Variants in AHI1 observed in about 807,000 individuals in gnomAD.
The protein encoded by AHI1 is jouberin.
AHI1 carries 123 observed loss-of-function variants against 149.3 expected under a neutral mutation model. The observed-to-expected ratio is 0.82, with a 90% CI of 0.71 to 0.96. The LOEUF (loss-of-function observed/expected upper bound fraction) is 0.96. Ranked by LOEUF, AHI1 falls within the 40% of genes least tolerant of loss-of-function variation. AHI1 has a pLI of 0.00. For missense variants in AHI1, 1,439 were observed against 1,422.7 expected (o/e 1.01, Z -0.18); for synonymous variants, 475 against 459.8 (o/e 1.03, Z -0.42).
At chr6:135,373,476 G>C (rs114931172) in intron 23 of AHI1, among the ~76,000 whole-genome samples, 1 of 152,140 alleles carries the variant, frequency 6.6e-6, no homozygotes, top group East Asian at 1.9e-4. Flanking sequence ...TAAGCAATGC[G>C]TGACTATACT....
chr6:135,417,332 G>A (rs567287286), intron 20 of AHI1, among the ~76,000 whole-genome samples: 6 of 151,988 alleles, frequency 3.9e-5, no homozygotes, highest in Admixed American at 1.3e-4. Flanking sequence ...ATGAGTGAGC[G>A]AACATGCATA....
intron 5 of AHI1, among the ~76,000 whole-genome samples, chr6:135,472,838 T>C (rs1460178186): frequency 6.6e-6 from 1 of 152,210 alleles, no homozygotes; most frequent in Non-Finnish European, 1.5e-5. Flanking sequence ...TTAGGCTGTT[T>C]GTTTTCATAT....
chr6:135,290,604 G>C, intron 27 of AHI1, 79 bp from the exon 28 acceptor site: 1 of 1,478,484 alleles, frequency 6.8e-7, no homozygotes, highest in East Asian at 2.3e-5. Flanking sequence ...TTTGATCTAG[G>C]GCCGTGGCAG....
At chr6:135,300,748 C>T (rs996812838) in intron 26 of AHI1, 190 bp from the exon 27 acceptor site, 1 of 1,198,092 alleles carries the variant, frequency 8.3e-7, no homozygotes, top group Non-Finnish European at 1.0e-6. Flanking sequence ...CATGAAAAAC[C>T]AAGGAAGTAG....
chr6:135,380,511 G>A (rs1312344582), intron 23 of AHI1, among the ~76,000 whole-genome samples: 4 of 152,154 alleles, frequency 2.6e-5, no homozygotes, highest in Non-Finnish European at 5.9e-5. Flanking sequence ...CAGATACTGA[G>A]GGATAACCAG....
intron 5 of AHI1, among the ~76,000 whole-genome samples, chr6:135,482,154 C>A (rs892060978): frequency 6.6e-6 from 1 of 151,962 alleles, no homozygotes; most frequent in African/African-American, 2.4e-5. Context: ...GTATTCTGTC[C>A]CCACTCCTCA....
chr6:135,477,947 G>A (rs369131107), intron 5 of AHI1, among the ~76,000 whole-genome samples: 1 of 151,878 alleles, frequency 6.6e-6, no homozygotes, highest in African/African-American at 2.4e-5. Context: ...ACAGGCATTT[G>A]CCACCACACC....
chr6:135,371,043 A>C (rs1774977814), intron 23 of AHI1, among the ~76,000 whole-genome samples: 1 of 152,214 alleles, frequency 6.6e-6, no homozygotes, highest in Non-Finnish European at 1.5e-5. Context: ...AAACTTTTAG[A>C]AGGCTTTTAT....
intron 27 of AHI1, among the ~76,000 whole-genome samples, chr6:135,293,916 C>T (rs1279871064): frequency 6.6e-6 from 1 of 152,066 alleles, no homozygotes; most frequent in African/African-American, 2.4e-5. Context: ...ATTAAATAGC[C>T]AAACCAAATT....
chr6:135,445,316 T>C (rs1322667992), intron 13 of AHI1, among the ~76,000 whole-genome samples: 1 of 152,212 alleles, frequency 6.6e-6, no homozygotes, highest in Non-Finnish European at 1.5e-5. Context: ...ACCACTTCAT[T>C]CTTTATAAAA....
intron 26 of AHI1, chr6:135,302,848 T>C (rs1249502505): frequency 7.8e-7 from 1 of 1,284,614 alleles, no homozygotes; most frequent in African/African-American, 1.5e-5. Flanking sequence ...AAGGCTGGTG[T>C]TCAATCAGCC....
intron 6 of AHI1, 129 bp downstream of exon 6, chr6:135,467,451 TA>T (rs1173118485): frequency 1.3e-5 from 9 of 718,954 alleles, no homozygotes; most frequent in African/African-American, 7.1e-5. Context: ...TTCTGAATGA[TA>T]AAAATAAAAG....
chr6:135,481,759 G>C (rs1583463084), intron 5 of AHI1, among the ~76,000 whole-genome samples: 1 of 140,940 alleles, frequency 7.1e-6, no homozygotes, highest in Admixed American at 7.1e-5. Flanking sequence ...AATTCTTTCA[G>C]CTTTTGTGCA....
intron 24 of AHI1, among the ~76,000 whole-genome samples, chr6:135,327,111 A>G (rs901196869): frequency 2.0e-5 from 3 of 152,228 alleles, no homozygotes; most frequent in Non-Finnish European, 4.4e-5. Context: ...CGACATACAT[A>G]TACATAACAC....
At chr6:135,356,559 C>A (rs1333771068) in intron 24 of AHI1, among the ~76,000 whole-genome samples, 1 of 152,058 alleles carries the variant, frequency 6.6e-6, no homozygotes, top group African/African-American at 2.4e-5. Flanking sequence ...AGTAGAGACA[C>A]AGAAGGAGAA....
Position 135,323,174 on chromosome 6 carries a change from C to T in AHI1, c.3316G>A (p.Val1106Met). The part of the protein sequence containing the change: ...GQEGYFPANH[V>M]ASETLYQELP... ...GCATAAAACTTACTTTCACTAGCCA[C>T]ATGATTAGCTGGAAAATAACCTTCC... The change falls in exon 25 of 29, where the codon GTG (valine) becomes ATG (methionine). Residue 1106 changes from valine to methionine, a missense_variant. By Grantham distance (21) the Val-to-Met change is conservative. Transcript: ENST00000265602. 2 of 1,610,040 alleles carry T rather than the reference C, an allele frequency of 1.2e-6. No homozygotes were observed. The highest frequency in any genetic ancestry group is 1.7e-6 in the Non-Finnish European group (2 of 1,176,930).
intron 24 of AHI1, among the ~76,000 whole-genome samples, chr6:135,327,428 T>G (rs960494148): frequency 6.6e-6 from 1 of 152,182 alleles, no homozygotes; most frequent in Non-Finnish European, 1.5e-5. Context: ...AGCAAAGAAA[T>G]TGGAGCATGT....
At chr6:135,293,241 T>C (rs1238814500) in intron 27 of AHI1, among the ~76,000 whole-genome samples, 1 of 151,562 alleles carries the variant, frequency 6.6e-6, no homozygotes, top group Non-Finnish European at 1.5e-5. Context: ...ATAAAGGGCA[T>C]TTATAAAAAA....
At chr6:135,478,038 T>C (rs1430743193) in intron 5 of AHI1, among the ~76,000 whole-genome samples, 1 of 152,014 alleles carries the variant, frequency 6.6e-6, no homozygotes, top group Non-Finnish European at 1.5e-5. Context: ...TGACCTCAGG[T>C]GATCTGCCCA....
Sources: allele counts gnomAD v4.1 joint callset (sites outside exome capture counted in the v4.1 genomes callset), GRCh38; gene constraint gnomAD v4.1.1; transcripts MANE v1.5; gene names NCBI Gene and HGNC (gene_info 2026-07-23, HGNC 2026-07-21).